The following GSG1L variants were observed in gnomAD, a reference collection of about 807,000 sequenced individuals.
GSG1L encodes germ cell-specific gene 1-like protein.
In GSG1L, 24 loss-of-function variants were observed where a neutral mutation model predicts 42.1. That is an observed-to-expected ratio of 0.57 (90% CI 0.41 to 0.80). GSG1L has a LOEUF of 0.80. Ranked by LOEUF, GSG1L falls within the 30% of genes least tolerant of loss-of-function variation. The pLI, the probability that GSG1L is intolerant of heterozygous loss-of-function variation, is 0.00. For missense variants in GSG1L, 445 were observed against 472.2 expected (o/e 0.94, Z 0.53); for synonymous variants, 215 against 203.5 (o/e 1.06, Z -0.48).
Position 27,791,438 on chromosome 16 carries a change from G to T in GSG1L, c.928C>A (p.Pro310Thr). ...RHQPHMADSW[P>T]RSSAQEAPEL... The stretch of plus-strand genomic sequence containing the variant: ...GGTGCTTCCTGTGCGGAGCTCCGGG[G>T]CCAGGAATCCGCCATGTGTGGCTGG... Residue 310 changes from proline (P) to threonine (T), a missense_variant, in exon 7 of 7, where the codon CCC becomes ACC. By Grantham distance (38) the Pro-to-Thr change is conservative. This residue lies in a region of GSG1L where 140 missense variants were observed against 120.6 expected (regional missense o/e 1.16). Coordinates refer to ENST00000447459, the MANE Select transcript of GSG1L (RefSeq NM_001109763.2). The T allele has an allele frequency of 6.6e-7, 1 of 1,517,124 alleles. No homozygotes were observed. The highest frequency in any genetic ancestry group is 8.9e-7 in the Non-Finnish European group (1 of 1,126,372). 94.0% of individuals were successfully genotyped at this position (1,517,124 alleles called of 1,614,324 possible).
intron 2 of GSG1L, among the ~76,000 whole-genome samples, chr16:27,955,474 T>A (rs1302554975): frequency 6.6e-6 from 1 of 151,218 alleles, no homozygotes; most frequent in Non-Finnish European, 1.5e-5. Flanking sequence ...GGGGAAAAAA[T>A]CAGATCACAC....
chr16:27,871,752 C>T (rs1457304617), intron 3 of GSG1L, among the ~76,000 whole-genome samples: 3 of 152,140 alleles, frequency 2.0e-5, no homozygotes, highest in Admixed American at 2.0e-4. Context: ...AACTTGAAAG[C>T]GTGTGAAGTG....
chr16:27,874,866 G>A (rs1188085795), intron 3 of GSG1L, among the ~76,000 whole-genome samples: 1 of 152,222 alleles, frequency 6.6e-6, no homozygotes, highest in Non-Finnish European at 1.5e-5. Flanking sequence ...TTGGTCAGAA[G>A]TGACAGTGGC....
intron 3 of GSG1L, among the ~76,000 whole-genome samples, chr16:27,871,764 A>G (rs2083824320): frequency 6.6e-6 from 1 of 152,258 alleles, no homozygotes; most frequent in African/African-American, 2.4e-5. Flanking sequence ...TGTGAAGTGA[A>G]TGGAAGAAGC....
chr16:27,819,361 A>G (rs1402823808), intron 5 of GSG1L, among the ~76,000 whole-genome samples: 1 of 152,174 alleles, frequency 6.6e-6, no homozygotes, highest in East Asian at 1.9e-4. Context: ...AATCACTGGC[A>G]TGGTGGTGGT....
chr16:27,804,692 C>T (rs539933961), intron 6 of GSG1L, among the ~76,000 whole-genome samples: 2 of 101,652 alleles, frequency 2.0e-5, no homozygotes, highest in African/African-American at 8.3e-5. Flanking sequence ...CAAGGAGATG[C>T]TGCTTGAGGG....
intron 3 of GSG1L, among the ~76,000 whole-genome samples, chr16:27,846,333 G>A (rs543720423): frequency 1.3e-5 from 2 of 152,290 alleles, no homozygotes; most frequent in African/African-American, 4.8e-5. Context: ...CTGCTCAGAA[G>A]GGTGTTGACC....
chr16:27,813,555 G>A (rs2083057908), intron 5 of GSG1L, among the ~76,000 whole-genome samples: 1 of 152,222 alleles, frequency 6.6e-6, no homozygotes, highest in African/African-American at 2.4e-5. Flanking sequence ...AGAGGAAGCT[G>A]AGCTCCAAGA....
intron 1 of GSG1L, among the ~76,000 whole-genome samples, chr16:27,966,905 A>G (rs772801548): frequency 4.6e-5 from 7 of 152,228 alleles, no homozygotes; most frequent in Non-Finnish European, 2.9e-5. Context: ...ACATGGGGCC[A>G]GGCAGCTGTG....
Position 27,968,473 on chromosome 16 carries a change from A to T in GSG1L, c.350-5270T>A, listed in dbSNP as rs181892130. On this transcript the variant is annotated intron_variant, in intron 1 of 6. Coordinates refer to ENST00000447459, the MANE Select transcript of GSG1L (RefSeq NM_001109763.2). ...ACTCTGTCACCCAGGCTGGTCTCAA[A>T]CTCCTGAGCTCACGCAATTCTCCTG... Among the ~76,000 whole-genome samples the T allele has an allele frequency of 3.2e-3, 484 of 151,882 alleles. 4 individuals carry two copies. The highest frequency in any genetic ancestry group is 0.01 in the African/African-American group (430 of 41,394).
intron 2 of GSG1L, among the ~76,000 whole-genome samples, chr16:27,923,768 GAA>G (rs35584953): frequency 6.7e-6 from 1 of 150,184 alleles, no homozygotes; most frequent in Non-Finnish European, 1.5e-5. Flanking sequence ...AAGAAAGAAA[GAA>G]AGAGAGAGAG....
intron 1 of GSG1L, among the ~76,000 whole-genome samples, chr16:27,983,537 G>A (rs1215673148): frequency 6.6e-6 from 1 of 152,130 alleles, no homozygotes; most frequent in East Asian, 1.9e-4. Flanking sequence ...TTAAAGAATT[G>A]TGATTTTTGT....
intron 2 of GSG1L, among the ~76,000 whole-genome samples, chr16:27,939,567 G>T (rs1205976139): frequency 1.3e-5 from 2 of 152,210 alleles, no homozygotes; most frequent in African/African-American, 4.8e-5. Flanking sequence ...CAGAGAGGCA[G>T]CTCAGGCCAC....
At chr16:27,929,485 G>A (rs1407770055) in intron 2 of GSG1L, among the ~76,000 whole-genome samples, 2 of 152,146 alleles carry the variant, frequency 1.3e-5, no homozygotes, top group Non-Finnish European at 2.9e-5. Context: ...CTTCCCTCTG[G>A]GACTGCTAAG....
intron 2 of GSG1L, among the ~76,000 whole-genome samples, chr16:27,888,740 C>T (rs1024946312): frequency 2.6e-5 from 4 of 151,680 alleles, no homozygotes; most frequent in Non-Finnish European, 5.9e-5. Context: ...GCGTCAGCCT[C>T]CCGAGTAGCT....
At chr16:27,994,842 A>G (rs2085497159) in intron 1 of GSG1L, among the ~76,000 whole-genome samples, 1 of 152,198 alleles carries the variant, frequency 6.6e-6, no homozygotes, top group African/African-American at 2.4e-5. Flanking sequence ...CATTGCACAT[A>G]ACGGAGCACC....
At chr16:27,891,253 G>A (rs953663834) in intron 2 of GSG1L, among the ~76,000 whole-genome samples, 2 of 152,190 alleles carry the variant, frequency 1.3e-5, no homozygotes, top group South Asian at 4.1e-4. Flanking sequence ...ACGTTAAACT[G>A]TCAGAACCAA....
chr16:27,975,377 G>A lies in GSG1L; in HGVS notation c.350-12174C>T, dbSNP rs768889304. ...GTGGATGGAGAACAGCTGGCACACC[G>A]CCCTACTTAAGGTGGTCCCCACCCC... On this transcript the variant is annotated intron_variant, in intron 1 of 6. Coordinates refer to ENST00000447459, the MANE Select transcript of GSG1L (RefSeq NM_001109763.2). Among the ~76,000 whole-genome samples, 78 of 151,962 alleles carry A rather than the reference G, an allele frequency of 5.1e-4. 1 individual carries two copies. The highest frequency in any genetic ancestry group is 2.3e-3 in the Admixed American group (35 of 15,240).
chr16:27,866,710 TAC>T (rs1380462355), intron 3 of GSG1L, among the ~76,000 whole-genome samples: 1 of 152,166 alleles, frequency 6.6e-6, no homozygotes, highest in Non-Finnish European at 1.5e-5. Flanking sequence ...TAGCTGGGAC[TAC>T]AGACTTGCAC....
Sources: allele counts gnomAD v4.1 joint callset (sites outside exome capture counted in the v4.1 genomes callset), GRCh38; gene constraint gnomAD v4.1.1; regional missense constraint gnomAD v4.1.1; transcripts MANE v1.5; gene names NCBI Gene and HGNC (gene_info 2026-07-23, HGNC 2026-07-21).